CALN1: variants seen among roughly 807,000 people sequenced by gnomAD.
CALN1 encodes the protein calcium-binding protein 8.
In CALN1, 17 loss-of-function variants were observed where a neutral mutation model predicts 30.6. That is an observed-to-expected ratio of 0.56 (90% CI 0.38 to 0.83). The LOEUF (loss-of-function observed/expected upper bound fraction) is 0.83. Among genes scored for constraint, CALN1 ranks in the 40% least tolerant of loss-of-function variants. The pLI is 0.00. For synonymous variants in CALN1, 156 were observed against 131.4 expected, an observed-to-expected ratio of 1.19 and a Z score of -1.28; for missense variants, 291 against 354.9, an observed-to-expected ratio of 0.82 and a Z score of 1.45.
chr7:72,092,064 A>G (rs1379575965), intron 4 of CALN1, among the ~76,000 whole-genome samples: 1 of 152,038 alleles, frequency 6.6e-6, no homozygotes, highest in East Asian at 1.9e-4. Context: ...CTTTTTAAAA[A>G]TCTCCCATAT....
upstream of CALN1, among the ~76,000 whole-genome samples, chr7:72,413,879 C>T (rs555321176): frequency 1.3e-5 from 2 of 152,080 alleles, no homozygotes; most frequent in South Asian, 4.2e-4. Flanking sequence ...CACATGCACA[C>T]ACACACTCTT....
At chr7:71,993,955 C>A (rs844691) in intron 5 of CALN1, among the ~76,000 whole-genome samples, 28,407 of 151,990 alleles carry the variant, frequency 0.19, 4,564 homozygotes, top group African/African-American at 0.43. Flanking sequence ...TTGAATTATA[C>A]GACTGAAATT....
At chr7:72,444,575 A>G (rs536924900) in intron 1 of CALN1, among the ~76,000 whole-genome samples, 1 of 152,296 alleles carries the variant, frequency 6.6e-6, no homozygotes, top group Admixed American at 6.5e-5. Flanking sequence ...TGGGAGAGAT[A>G]GAGTGACAGG....
intron 5 of CALN1, among the ~76,000 whole-genome samples, chr7:71,910,909 A>C (rs1233727154): frequency 6.6e-6 from 1 of 152,188 alleles, no homozygotes; most frequent in Non-Finnish European, 1.5e-5. Flanking sequence ...CCAAACAGAA[A>C]GCAAAAGCCA....
At chr7:72,227,241 A>G (rs1382579944) in intron 3 of CALN1, among the ~76,000 whole-genome samples, 4 of 151,808 alleles carry the variant, frequency 2.6e-5, no homozygotes, top group Non-Finnish European at 4.4e-5. Flanking sequence ...AAGCTTAAAA[A>G]AAAAAAAAAA....
At chr7:72,116,706 G>A (rs1469516891) in intron 3 of CALN1, among the ~76,000 whole-genome samples, 3 of 152,120 alleles carry the variant, frequency 2.0e-5, no homozygotes, top group African/African-American at 7.2e-5. Flanking sequence ...TGTCGAACAG[G>A]ACTCCTGTAA....
intron 4 of CALN1, among the ~76,000 whole-genome samples, chr7:72,042,998 A>G (rs1186095942): frequency 6.6e-6 from 1 of 152,154 alleles, no homozygotes; most frequent in Admixed American, 6.5e-5. Flanking sequence ...CAAGGCCACA[A>G]AAATTTATAG....
intron 3 of CALN1, among the ~76,000 whole-genome samples, chr7:72,153,330 C>T (rs539547193): frequency 1.0e-3 from 156 of 152,194 alleles, no homozygotes; most frequent in African/African-American, 3.4e-3. Context: ...CTAGGGCAGA[C>T]GTGGTGGCAG....
At chr7:72,333,756 A>G (rs114855027) in intron 2 of CALN1, among the ~76,000 whole-genome samples, 2,960 of 150,600 alleles carry the variant, frequency 0.02, 86 homozygotes, top group African/African-American at 0.068. Flanking sequence ...CAGTACAGGC[A>G]CACGTGACAA....
At chr7:71,880,930 G>A (rs1792524629) in intron 5 of CALN1, among the ~76,000 whole-genome samples, 1 of 152,136 alleles carries the variant, frequency 6.6e-6, no homozygotes, top group African/African-American at 2.4e-5. Context: ...CTGTGTCTGT[G>A]AGGATGTTGC....
intron 3 of CALN1, among the ~76,000 whole-genome samples, chr7:72,143,266 A>C (rs993956786): frequency 6.6e-6 from 1 of 152,252 alleles, no homozygotes; most frequent in African/African-American, 2.4e-5. Context: ...TAACCAATGC[A>C]GAGAAGTCCT....
intron 2 of CALN1, among the ~76,000 whole-genome samples, chr7:72,344,702 T>C (rs978987443): frequency 2.0e-5 from 3 of 147,340 alleles, no homozygotes; most frequent in African/African-American, 7.3e-5. Flanking sequence ...TACATTTTTA[T>C]TTATATATGC....
chr7:72,184,718 G>C (rs1283477966), intron 3 of CALN1, among the ~76,000 whole-genome samples: 1 of 152,110 alleles, frequency 6.6e-6, no homozygotes, highest in African/African-American at 2.4e-5. Context: ...AGCTCCAAAG[G>C]GGCCTCAGGA....
rs1789725508 is a variant in CALN1, at chr7:71,838,079, G to C, written c.502-27587C>G. Among the ~76,000 whole-genome samples the C allele has an allele frequency of 2.0e-5, 3 of 152,148 alleles. No individual in the cohort carries two copies. In the South Asian group the frequency reaches 6.2e-4, roughly 32 times the overall value. ...GATTTTAATGGACATGGCTTTAGAG[G>C]CTGCATAAAATTGCCGTGTATTTTT... is the stretch of plus-strand genomic sequence containing the variant. On this transcript the variant is annotated intron_variant, in intron 5 of 6. Coordinates refer to ENST00000395275, the MANE Select transcript of CALN1 (RefSeq NM_031468.4).
At chr7:72,169,378 G>A (rs769617654) in intron 3 of CALN1, among the ~76,000 whole-genome samples, 7 of 152,050 alleles carry the variant, frequency 4.6e-5, no homozygotes, top group African/African-American at 1.4e-4. Flanking sequence ...GGAGTACAGT[G>A]GTGTGATCAT....
chr7:72,399,521 G>A (rs926988518), intron 2 of CALN1, among the ~76,000 whole-genome samples: 46 of 151,842 alleles, frequency 3.0e-4, no homozygotes, highest in Non-Finnish European at 6.5e-4. Flanking sequence ...CACCCACCTC[G>A]GACTCCCAAA....
the CALN1 span, among the ~76,000 whole-genome samples, chr7:72,480,860 A>G: frequency 1.3e-5 from 2 of 152,100 alleles, no homozygotes; most frequent in Non-Finnish European, 2.9e-5. Flanking sequence ...CACTTACTGT[A>G]TATGGAATCT....
intron 3 of CALN1, among the ~76,000 whole-genome samples, chr7:72,106,802 G>A (rs1377618899): frequency 3.4e-5 from 2 of 58,168 alleles, no homozygotes; most frequent in African/African-American, 1.5e-4. Flanking sequence ...GGAAGGAAGG[G>A]AGGGAGGAAG....
intron 2 of CALN1, among the ~76,000 whole-genome samples, chr7:72,293,583 C>T (rs1798641218): frequency 1.3e-5 from 2 of 152,136 alleles, no homozygotes; most frequent in South Asian, 4.2e-4. Context: ...CCCTACCATG[C>T]AGGGTAGCAG....
Sources: allele counts gnomAD v4.1 joint callset (sites outside exome capture counted in the v4.1 genomes callset), GRCh38; gene constraint gnomAD v4.1.1; transcripts MANE v1.5; gene names NCBI Gene and HGNC (gene_info 2026-07-23, HGNC 2026-07-21).